IL7: variants seen among roughly 807,000 people sequenced by gnomAD.
IL7 encodes the protein interleukin 7.
A neutral mutation model predicts 21.6 loss-of-function variants in IL7; 3 were observed. That is an observed-to-expected ratio of 0.14 (90% CI 0.06 to 0.36). The LOEUF is 0.36. Ranked by LOEUF, IL7 falls within the 10% of genes least tolerant of loss-of-function variation. The pLI is 1.00. For synonymous variants in IL7, 62 were observed against 68.1 expected (o/e 0.91, Z 0.44); for missense variants, 175 against 200.2 (o/e 0.87, Z 0.76).
At chr8:78,749,557 G>A (rs1432877432) in intron 2 of IL7, among the ~76,000 whole-genome samples, 2 of 152,180 alleles carry the variant, frequency 1.3e-5, no homozygotes, top group Admixed American at 1.3e-4. Context: ...AACCTCCATA[G>A]CAACCATTGT....
chr8:78,743,210 G>A (rs1409790385), intron 2 of IL7, among the ~76,000 whole-genome samples: 4 of 152,272 alleles, frequency 2.6e-5, no homozygotes, highest in East Asian at 1.9e-4. Flanking sequence ...ACATGTGCAT[G>A]TGTCTTTATA....
intron 3 of IL7, chr8:78,712,034 T>C (rs1186090445): frequency 1.6e-6 from 2 of 1,289,758 alleles, no homozygotes; most frequent in Admixed American, 4.6e-5. Context: ...GGAAGACTTG[T>C]GCAAAGGTTG....
chr8:78,690,107 A>G (rs1422990060), intron 3 of IL7, among the ~76,000 whole-genome samples: 6 of 152,238 alleles, frequency 3.9e-5, no homozygotes. Flanking sequence ...AATCAGATGA[A>G]TATAAATGTA....
intron 2 of IL7, among the ~76,000 whole-genome samples, chr8:78,777,014 G>A (rs1372748040): frequency 6.6e-6 from 1 of 151,946 alleles, no homozygotes; most frequent in Non-Finnish European, 1.5e-5. Flanking sequence ...CAATACCAAT[G>A]ATGGTCTTTG....
At chr8:78,691,600 G>C (rs1303630629) in intron 3 of IL7, among the ~76,000 whole-genome samples, 2 of 151,836 alleles carry the variant, frequency 1.3e-5, no homozygotes, top group African/African-American at 2.4e-5. Flanking sequence ...TTATGTTTAG[G>C]TCTGCCATCT....
chr8:78,701,724 A>G (rs1810611482), intron 3 of IL7, among the ~76,000 whole-genome samples: 1 of 151,770 alleles, frequency 6.6e-6, no homozygotes, highest in Non-Finnish European at 1.5e-5. Flanking sequence ...TTTATTGAAA[A>G]CCTTTTCGTC....
chr8:78,767,597 C>T (rs900005408), intron 2 of IL7, among the ~76,000 whole-genome samples: 2 of 151,984 alleles, frequency 1.3e-5, no homozygotes, highest in African/African-American at 2.4e-5. Context: ...CCCATAACCA[C>T]GCACTTTTTA....
chr8:78,686,314 C>T (rs889549285), intron 3 of IL7, among the ~76,000 whole-genome samples: 2 of 152,100 alleles, frequency 1.3e-5, no homozygotes, highest in Non-Finnish European at 2.9e-5. Context: ...CATAAAGTTT[C>T]TCTTTAAAAT....
chr8:78,688,333 A>C (rs893288258), intron 3 of IL7, among the ~76,000 whole-genome samples: 1 of 152,052 alleles, frequency 6.6e-6, no homozygotes, highest in Admixed American at 6.6e-5. Context: ...AAGTTTTTTT[A>C]ATCTTTTGGG....
intron 3 of IL7, chr8:78,712,070 GT>G (rs1171658579): frequency 7.8e-7 from 1 of 1,289,552 alleles, no homozygotes; most frequent in Admixed American, 2.3e-5. Context: ...AAATCAGACA[GT>G]GCCATCAAAA....
At chr8:78,762,065 T>C in intron 2 of IL7, 3 of 1,604,510 alleles carry the variant, frequency 1.9e-6, no homozygotes, top group Non-Finnish European at 2.6e-6. Flanking sequence ...CTCAGAAGTT[T>C]CATCAATTTT....
At chr8:78,783,359 C>T (rs1813405134) in intron 2 of IL7, among the ~76,000 whole-genome samples, 1 of 152,180 alleles carries the variant, frequency 6.6e-6, no homozygotes, top group African/African-American at 2.4e-5. Context: ...GTCCCACTTA[C>T]CCCCTGCAGG....
chr8:78,698,832 C>G (rs1366089567), intron 3 of IL7, among the ~76,000 whole-genome samples: 1 of 152,102 alleles, frequency 6.6e-6, no homozygotes, highest in East Asian at 1.9e-4. Flanking sequence ...CACTATGTAT[C>G]AGGCACTGTG....
At chr8:78,761,606 T>C (rs1812558742) in intron 2 of IL7, 1 of 1,611,882 alleles carries the variant, frequency 6.2e-7, no homozygotes, top group South Asian at 1.1e-5. Flanking sequence ...AGGTAGGTGC[T>C]CTTCCCCTGC....
intron 2 of IL7, among the ~76,000 whole-genome samples, chr8:78,758,080 C>G (rs1379881827): frequency 2.0e-5 from 3 of 152,016 alleles, no homozygotes; most frequent in Non-Finnish European, 2.9e-5. Flanking sequence ...TAACCTCTTT[C>G]CTTTATAAGT....
At chr8:78,701,436 C>T (rs1415462068) in intron 3 of IL7, among the ~76,000 whole-genome samples, 1 of 152,162 alleles carries the variant, frequency 6.6e-6, no homozygotes, top group Admixed American at 6.5e-5. Context: ...ATGTCATCTG[C>T]CAGCAGGGAT....
chr8:78,781,486 C>T (rs1470250471), intron 2 of IL7, among the ~76,000 whole-genome samples: 3 of 152,078 alleles, frequency 2.0e-5, no homozygotes, highest in African/African-American at 7.2e-5. Context: ...AGCTTAGTTT[C>T]ACTGGATATG....
At chr8:78,697,498 C>G in intron 3 of IL7, 2 of 1,606,884 alleles carry the variant, frequency 1.2e-6, no homozygotes, top group South Asian at 2.2e-5. Context: ...GCTGGCAAAA[C>G]TGTTGTAGGT....
At chr8:78,728,640 A>G (rs1321536303), downstream of IL7, among the ~76,000 whole-genome samples, 3 of 152,088 alleles carry the variant, frequency 2.0e-5, no homozygotes, top group African/African-American at 7.2e-5. Context: ...TGTAAAACAT[A>G]AAACTATACA....
Sources: gnomAD v4.1 joint callset for allele counts (sites outside exome capture counted in the v4.1 genomes callset) on GRCh38, gnomAD v4.1.1 for gene constraint, MANE v1.5 for transcripts, NCBI Gene and HGNC (gene_info 2026-07-23, HGNC 2026-07-21) for gene names.